The following UBE2K variants were observed in gnomAD, a reference collection of about 807,000 sequenced individuals.
UBE2K encodes ubiquitin-conjugating enzyme E2 K.
In UBE2K, 6 loss-of-function variants were observed where a neutral mutation model predicts 30.0. The ratio of observed to expected loss-of-function variants is 0.20; its 90% CI spans 0.11 to 0.39. The LOEUF is 0.39. Among genes scored for constraint, UBE2K ranks in the 10% least tolerant of loss-of-function variants. The probability of loss-of-function intolerance (pLI) is 1.00; values close to 1 mark genes in which losing one functional copy is unlikely to be tolerated. For synonymous variants in UBE2K, 86 were observed against 83.7 expected, an observed-to-expected ratio of 1.03 and a Z score of -0.15; for missense variants, 61 against 241.6, an observed-to-expected ratio of 0.25 and a Z score of 4.96.
intron 1 of UBE2K, among the ~76,000 whole-genome samples, chr4:39,735,039 C>T (rs994532505): frequency 5.3e-5 from 8 of 152,044 alleles, no homozygotes; most frequent in South Asian, 2.1e-4. Context: ...GGAAAGCTAT[C>T]GAGATCTTTG....
chr4:39,769,459 C>T (rs910710507), intron 4 of UBE2K, among the ~76,000 whole-genome samples: 1 of 148,014 alleles, frequency 6.8e-6, no homozygotes, highest in African/African-American at 2.5e-5. Context: ...AATATCTATC[C>T]AGGATGTGCA....
chr4:39,713,569 A>C (rs559062819), intron 1 of UBE2K, among the ~76,000 whole-genome samples: 16 of 151,994 alleles, frequency 1.1e-4, no homozygotes, highest in African/African-American at 2.9e-4. Context: ...GTTGTAGTAA[A>C]ATACACATAA....
chr4:39,751,524 T>C (rs141989958), intron 3 of UBE2K, among the ~76,000 whole-genome samples: 2,160 of 151,666 alleles, frequency 0.014, 19 homozygotes, highest in Non-Finnish European at 0.02. Flanking sequence ...ACAAAAAATA[T>C]GAAAATTAGC....
chr4:39,715,192 A>AT (rs951629292), intron 1 of UBE2K, among the ~76,000 whole-genome samples: 5 of 150,450 alleles, frequency 3.3e-5, no homozygotes, highest in African/African-American at 7.3e-5. Context: ...CGCCCGGATA[A>AT]TTTTTTTTTG....
chr4:39,744,824 G>A (rs1720897195), intron 2 of UBE2K, among the ~76,000 whole-genome samples: 5 of 150,964 alleles, frequency 3.3e-5, no homozygotes, highest in South Asian at 2.1e-4. Context: ...GGAGAATGGC[G>A]TGAACCCGGG....
chr4:39,749,201 CT>C (rs1224707581), intron 3 of UBE2K, among the ~76,000 whole-genome samples: 1 of 152,120 alleles, frequency 6.6e-6, no homozygotes, highest in Non-Finnish European at 1.5e-5. Context: ...GAAGAGTAGG[CT>C]TACTTCTAAA....
chr4:39,748,446 T>C (rs115324805), intron 3 of UBE2K, among the ~76,000 whole-genome samples: 1 of 152,084 alleles, frequency 6.6e-6, no homozygotes, highest in South Asian at 2.1e-4. Flanking sequence ...AACTGAAGTA[T>C]GTCTGATGTT....
chr4:39,712,224 C>T (rs2109313201), intron 1 of UBE2K, among the ~76,000 whole-genome samples: 1 of 118,640 alleles, frequency 8.4e-6, no homozygotes, highest in Non-Finnish European at 1.7e-5. Flanking sequence ...TTTTTTGAGA[C>T]CGAGTCTCGC....
intron 2 of UBE2K, 125 bp downstream of exon 2, chr4:39,737,638 C>A: frequency 1.7e-6 from 1 of 592,908 alleles, no homozygotes; most frequent in Non-Finnish European, 2.8e-6. Flanking sequence ...AGATAAACAG[C>A]AATTTAAAAA....
At chr4:39,760,339 T>C (rs1711841301) in intron 4 of UBE2K, among the ~76,000 whole-genome samples, 1 of 152,136 alleles carries the variant, frequency 6.6e-6, no homozygotes, top group Admixed American at 6.6e-5. Flanking sequence ...GCCTACTTTT[T>C]AAAAGACATG....
intron 1 of UBE2K, among the ~76,000 whole-genome samples, chr4:39,706,770 T>G (rs1718391123): frequency 1.3e-5 from 2 of 152,034 alleles, no homozygotes; most frequent in South Asian, 4.1e-4. Context: ...AATACATTAT[T>G]AACAGTTACC....
intron 4 of UBE2K, chr4:39,770,065 C>T: frequency 6.5e-7 from 1 of 1,529,884 alleles, no homozygotes. Flanking sequence ...GCCTCCGGGC[C>T]TCCACGCCTG....
At chr4:39,774,420 A>G (rs559889439) in intron 4 of UBE2K, among the ~76,000 whole-genome samples, 2 of 152,050 alleles carry the variant, frequency 1.3e-5, no homozygotes, top group Non-Finnish European at 2.9e-5. Flanking sequence ...ATCCTGGCTA[A>G]CACTGTGAAA....
intron 5 of UBE2K, among the ~76,000 whole-genome samples, chr4:39,775,739 G>A (rs562398659): frequency 6.6e-6 from 1 of 152,218 alleles, no homozygotes; most frequent in African/African-American, 2.4e-5. Context: ...GTGACAGAAC[G>A]GGACCCTGTC....
chr4:39,710,829 T>A (rs1718628721), intron 1 of UBE2K, among the ~76,000 whole-genome samples: 1 of 152,122 alleles, frequency 6.6e-6, no homozygotes, highest in Non-Finnish European at 1.5e-5. Context: ...CTTAGAAGTT[T>A]TAAAAGTAAT....
chr4:39,752,406 G>A (rs1401242715), intron 3 of UBE2K, among the ~76,000 whole-genome samples: 1 of 142,902 alleles, frequency 7.0e-6, no homozygotes, highest in East Asian at 2.1e-4. Flanking sequence ...GCACAATCTC[G>A]GCTCACTGCA....
In UBE2K at chr4:39,767,309, T is replaced by G. The variant is rs558736933; in HGVS notation, c.300-7525T>G. On this transcript the variant is annotated intron_variant, in intron 4 of 6. Coordinates refer to ENST00000261427, the MANE Select transcript of UBE2K (RefSeq NM_005339.5). The stretch of plus-strand genomic sequence containing the variant: ...GTTTTCTTTTTTTCTGTTTTTTTTT[T>G]TGTGTGTGTGTTTTGTTTGTTTGTT... Among the ~76,000 whole-genome samples, 526 of 150,964 alleles carry G rather than the reference T, an allele frequency of 3.5e-3. 2 individuals carry two copies. The highest frequency in any genetic ancestry group is 3.3e-3 in the Non-Finnish European group (223 of 67,824).
intron 1 of UBE2K, among the ~76,000 whole-genome samples, chr4:39,709,865 A>G (rs531738553): frequency 1.3e-5 from 2 of 152,176 alleles, no homozygotes; most frequent in African/African-American, 4.8e-5. Flanking sequence ...ATTTCTTGAC[A>G]TGGCTCTGGG....
At chr4:39,749,388 C>T (rs746896844) in intron 3 of UBE2K, among the ~76,000 whole-genome samples, 17 of 152,074 alleles carry the variant, frequency 1.1e-4, no homozygotes, top group Admixed American at 2.0e-4. Context: ...AGGCTGGATG[C>T]GGTGGTTTGC....
Sources: allele counts gnomAD v4.1 joint callset (sites outside exome capture counted in the v4.1 genomes callset), GRCh38; gene constraint gnomAD v4.1.1; transcripts MANE v1.5; gene names NCBI Gene and HGNC (gene_info 2026-07-23, HGNC 2026-07-21).